The following PRKD1 variants were observed in gnomAD, a reference collection of about 807,000 sequenced individuals.
PRKD1 encodes the protein serine/threonine-protein kinase D1.
PRKD1 carries 63 observed loss-of-function variants against 95.9 expected under a neutral mutation model. The ratio of observed to expected loss-of-function variants is 0.66; its 90% CI spans 0.54 to 0.81. PRKD1 has a LOEUF of 0.81. Among genes scored for constraint, PRKD1 ranks in the 30% least tolerant of loss-of-function variants. PRKD1 has a pLI of 0.00. For missense variants in PRKD1, 1,048 were observed against 1,165.3 expected (o/e 0.90, Z 1.47); for synonymous variants, 425 against 423.1 (o/e 1.00, Z -0.05).
intron 4 of PRKD1, among the ~76,000 whole-genome samples, chr14:29,657,012 G>A (rs1393517310): frequency 1.3e-5 from 2 of 152,176 alleles, no homozygotes; most frequent in South Asian, 2.1e-4. Flanking sequence ...GCAGTCAGTG[G>A]TTTCCAAACC....
chr14:29,716,159 C>T (rs145870214), intron 2 of PRKD1, among the ~76,000 whole-genome samples: 1 of 152,152 alleles, frequency 6.6e-6, no homozygotes, highest in East Asian at 1.9e-4. Context: ...TCATGGGTGA[C>T]AGTTATAATA....
At chr14:29,847,650 A>G (rs1892134171) in intron 1 of PRKD1, among the ~76,000 whole-genome samples, 1 of 152,208 alleles carries the variant, frequency 6.6e-6, no homozygotes, top group Non-Finnish European at 1.5e-5. Context: ...TTATGCTCAA[A>G]CAGGTATCAA....
At chr14:29,729,969 G>A (rs1656743681) in intron 1 of PRKD1, among the ~76,000 whole-genome samples, 2 of 152,042 alleles carry the variant, frequency 1.3e-5, no homozygotes, top group South Asian at 2.1e-4. Context: ...CATGACATTG[G>A]TATGGGCAAC....
At chr14:29,741,354 G>T (rs1161114620) in intron 1 of PRKD1, among the ~76,000 whole-genome samples, 2 of 151,980 alleles carry the variant, frequency 1.3e-5, no homozygotes, top group African/African-American at 2.4e-5. Context: ...TATTTTACAC[G>T]TTTAGGTATA....
At chr14:29,856,651 A>C (rs553583153) in intron 1 of PRKD1, among the ~76,000 whole-genome samples, 2 of 152,158 alleles carry the variant, frequency 1.3e-5, no homozygotes, top group Non-Finnish European at 2.9e-5. Context: ...TTATCTAAAT[A>C]CTCAAGAGAG....
chr14:29,829,036 A>C (rs1891303474), intron 1 of PRKD1, among the ~76,000 whole-genome samples: 1 of 152,216 alleles, frequency 6.6e-6, no homozygotes, highest in African/African-American at 2.4e-5. Context: ...TGTTGTGAGA[A>C]GCCCAGGCCA....
intron 16 of PRKD1, among the ~76,000 whole-genome samples, chr14:29,581,105 C>T (rs1892742099): frequency 6.6e-6 from 1 of 151,948 alleles, no homozygotes; most frequent in South Asian, 2.1e-4. Flanking sequence ...GTTTTAGATG[C>T]AATGGAAAAC....
intron 13 of PRKD1, among the ~76,000 whole-genome samples, chr14:29,600,845 T>C (rs545970756): frequency 7.2e-6 from 1 of 138,670 alleles, no homozygotes; most frequent in South Asian, 2.5e-4. Context: ...CTGAACGTTC[T>C]TCTGGGTCAT....
intron 1 of PRKD1, among the ~76,000 whole-genome samples, chr14:29,755,415 T>C (rs1006803827): frequency 1.3e-5 from 2 of 152,118 alleles, no homozygotes; most frequent in Non-Finnish European, 1.5e-5. Context: ...ATTCCTTTAT[T>C]CCTAAGATAC....
At chr14:29,911,063 A>G (rs1349580327) in intron 1 of PRKD1, among the ~76,000 whole-genome samples, 3 of 152,192 alleles carry the variant, frequency 2.0e-5, no homozygotes, top group Admixed American at 6.5e-5. Flanking sequence ...TACTATATAC[A>G]TATGATTAAG....
At chr14:29,798,008 C>T (rs1427571982) in intron 1 of PRKD1, among the ~76,000 whole-genome samples, 1 of 152,168 alleles carries the variant, frequency 6.6e-6, no homozygotes, top group Non-Finnish European at 1.5e-5. Flanking sequence ...AATCTCACTA[C>T]ATATTGAAAC....
chr14:29,578,146 A>T, intron 17 of PRKD1, 129 bp downstream of exon 17: 1 of 738,938 alleles, frequency 1.4e-6, no homozygotes, highest in South Asian at 1.8e-5. Context: ...AGTTGCATGC[A>T]TTTGAGCAAA....
chr14:29,762,233 G>A (rs533614662), intron 1 of PRKD1, among the ~76,000 whole-genome samples: 1 of 152,250 alleles, frequency 6.6e-6, no homozygotes. Context: ...TCAAGCTCTA[G>A]ACTGAACTTG....
At chr14:29,920,348 T>A (rs1895058393) in intron 1 of PRKD1, among the ~76,000 whole-genome samples, 1 of 152,160 alleles carries the variant, frequency 6.6e-6, no homozygotes, top group Admixed American at 6.5e-5. Flanking sequence ...CATTTGGGTT[T>A]AGATTTTTCA....
At chr14:29,778,905 T>G (rs1033862962) in intron 1 of PRKD1, among the ~76,000 whole-genome samples, 1 of 152,116 alleles carries the variant, frequency 6.6e-6, no homozygotes, top group African/African-American at 2.4e-5. Context: ...ACTGGCAAAC[T>G]GAATCCAGCA....
At chr14:29,911,133 A>G (rs1445995882) in intron 1 of PRKD1, among the ~76,000 whole-genome samples, 1 of 151,662 alleles carries the variant, frequency 6.6e-6, no homozygotes, top group Non-Finnish European at 1.5e-5. Flanking sequence ...ACTTTGCAAT[A>G]CTTATGTTTA....
chr14:29,615,471 T>C (rs775971921), intron 13 of PRKD1, among the ~76,000 whole-genome samples: 1 of 152,246 alleles, frequency 6.6e-6, no homozygotes, highest in Admixed American at 6.5e-5. Flanking sequence ...AACCTGTTTA[T>C]GTTGCTGAGG....
Position 29,577,334 on chromosome 14 carries a change from G to A in PRKD1, c.2643C>T (p.Pro881=), listed in dbSNP as rs182604595. The A allele has an allele frequency of 3.1e-6, 5 of 1,613,674 alleles. No individual in the cohort carries two copies. In the African/African-American group the frequency reaches 6.7e-5, roughly 22 times the overall value. The change falls in exon 18 of 18, where the codon CCC becomes CCT. Residue 881 remains proline, a synonymous_variant. Transcript: ENST00000331968. ...TAGCACTTGGATTGATCAGGTGTGT[G>A]GGGTACTGCAGCCCCTGCTCGCCTG... The part of the protein sequence containing the change: ...KYAGEQGLQY[P]THLINPSASH...
At chr14:29,796,373 C>G (rs45462599) in intron 1 of PRKD1, among the ~76,000 whole-genome samples, 1 of 151,640 alleles carries the variant, frequency 6.6e-6, no homozygotes, top group Non-Finnish European at 1.5e-5. Flanking sequence ...TTTTTTGTTT[C>G]TGGTGGAAGA....
Sources: allele counts gnomAD v4.1 joint callset (sites outside exome capture counted in the v4.1 genomes callset), GRCh38; gene constraint gnomAD v4.1.1; transcripts MANE v1.5; gene names NCBI Gene and HGNC (gene_info 2026-07-23, HGNC 2026-07-21).